The following SPATA31A1 variants were observed in gnomAD, a reference collection of about 807,000 sequenced individuals.
SPATA31A1 encodes SPATA31 subfamily A member 1.
For synonymous variants in SPATA31A1, 194 were observed against 573.4 expected, an observed-to-expected ratio of 0.34 and a Z score of 9.45; for missense variants, 579 against 1,476.3, an observed-to-expected ratio of 0.39 and a Z score of 9.96.
rs1381348722 is a variant in SPATA31A1 at position 39,355,699 on chromosome 9, C to T, written c.-32C>T. On this transcript the variant is annotated 5_prime_UTR_variant, in exon 1 of 4. Transcript: ENST00000377647. ...CTAGTCCCCACGGGGATGCCCAGAG[C>T]TCAGTTGCTTGAAAGCAACGCGCCT... 1 of 523,452 alleles carries T rather than the reference C, an allele frequency of 1.9e-6. No individual in the cohort carries two copies. The highest frequency in any genetic ancestry group is 3.6e-5 in the Admixed American group (1 of 27,622). 32.4% of individuals were successfully genotyped at this position (523,452 alleles called of 1,614,324 possible).
At position 39,361,286 on chromosome 9, in the gene SPATA31A1, T is replaced by G. The variant is rs1823460664; in HGVS notation, c.3521T>G (p.Ile1174Ser). ...GGNIKQFFQW[I>S]FSKKKSKPAP... Reference sequence around the variant, plus strand: ...AACATCAAGCAATTTTTTCAGTGGATTTTTTCAAAGAAAAAAAGCAAGCCA... The same window carrying G: ...AACATCAAGCAATTTTTTCAGTGGAGTTTTTCAAAGAAAAAAAGCAAGCCA... Residue 1174 changes from isoleucine to serine, a missense_variant, in exon 4 of 4, where the codon ATT becomes AGT. Transcript: ENST00000377647. 6.2e-7 allele frequency: 1 copy of G among 1,612,262 alleles called. No homozygotes were observed. Among genetic ancestry groups the G allele is most frequent in the African/African-American group, 1.3e-5 (1 of 74,554 alleles).
In SPATA31A1 at chr9:39,358,798, G is replaced by A; in HGVS notation, c.1033G>A (p.Glu345Lys). 4 of 1,598,644 alleles carry A rather than the reference G, an allele frequency of 2.5e-6. No individual in the cohort carries two copies. The highest frequency in any genetic ancestry group is 3.4e-6 in the Non-Finnish European group (4 of 1,179,752). The stretch of plus-strand genomic sequence containing the variant: ...CAAGGTCAACATTTGGGAAGAAAAA[G>A]AAAATGTTGGATCATTTACAGATCG... Reference protein sequence around the residue: ...TAKVNIWEEKENVGSFTDRMT... With the variant: ...TAKVNIWEEKKNVGSFTDRMT... Residue 345 changes from glutamate (E) to lysine (K), a missense_variant, in exon 4 of 4, where the codon GAA (glutamate) becomes AAA (lysine). By Grantham distance (56) the Glu-to-Lys change is moderately conservative (BLOSUM62 1). Coordinates refer to ENST00000377647, the MANE Select transcript of SPATA31A1 (RefSeq NM_001085452.4).
intron 1 of SPATA31A1, among the ~76,000 whole-genome samples, chr9:39,356,543 CATTTT>C (rs1311401622): frequency 0.17 from 11,357 of 68,152 alleles, 3,291 homozygotes; most frequent in Non-Finnish European, 0.21. Context: ...GTGTTATTTT[CATTTT>C]ATTTTATTTT....
At chr9:39,356,218 C>T (rs1160137649) in intron 1 of SPATA31A1, among the ~76,000 whole-genome samples, 32 of 46,490 alleles carry the variant, frequency 6.9e-4, no homozygotes, top group African/African-American at 2.8e-3. Context: ...GGTCTCTGTC[C>T]GAGACCAGGC....
chr9:39,356,594 ATTTTATT>A (rs1340262074), intron 1 of SPATA31A1, among the ~76,000 whole-genome samples: 2 of 26,042 alleles, frequency 7.7e-5, no homozygotes, highest in Non-Finnish European at 1.4e-4. Flanking sequence ...ATTTTATTTT[ATTTTATT>A]TTATTTTTTG....
chr9:39,357,528 G>A, intron 2 of SPATA31A1: 2 of 598,084 alleles, frequency 3.3e-6, no homozygotes, highest in South Asian at 4.0e-5. Flanking sequence ...CCACAGGGCA[G>A]TTGTGAGGAC....
rs2118422610 is a variant in SPATA31A1 at position 39,358,579 on chromosome 9, G to A, written c.814G>A (p.Gly272Ser). ...ASVPAISGLGGSNSHVSASSR... is the reference protein window; with the variant it reads ...ASVPAISGLGSSNSHVSASSR... ...TGTCCCAGCCATCTCAGGCCTTGGT[G>A]GCTCAAACAGTCATGTTTCTGCCTC... The change falls in exon 4 of 4, where the codon GGC becomes AGC. Residue 272 changes from glycine to serine, a missense_variant. Coordinates refer to ENST00000377647, the MANE Select transcript of SPATA31A1 (RefSeq NM_001085452.4). 2.5e-6 allele frequency: 4 copies of A among 1,592,470 alleles called. No individual in the cohort carries two copies. The East Asian group carries it at 9.0e-5, about 36-fold the overall frequency.
In SPATA31A1 at chr9:39,360,623, A is replaced by G; in HGVS notation, c.2858A>G (p.Glu953Gly). Residue 953 changes from glutamate to glycine, a missense_variant, in exon 4 of 4, where the codon GAG becomes GGG. Coordinates refer to ENST00000377647, the MANE Select transcript of SPATA31A1 (RefSeq NM_001085452.4). ...AQSSKAGETREAVPQCRVPLE... is the reference protein window; with the variant it reads ...AQSSKAGETRGAVPQCRVPLE... ...TCTTCAAAGGCTGGAGAGACAAGGG[A>G]GGCAGTGCCACAATGCAGAGTCCCC... 6.2e-7 allele frequency: 1 copy of G among 1,608,248 alleles called. No homozygotes were observed. Among genetic ancestry groups the G allele is most frequent in the Non-Finnish European group, 8.5e-7 (1 of 1,178,870 alleles).
Position 39,359,272 on chromosome 9 carries a change from C to G in SPATA31A1, c.1507C>G (p.Leu503Val). The change falls in exon 4 of 4, where the codon CTT becomes GTT. Residue 503 changes from leucine (L) to valine (V), a missense_variant. Physicochemically the swap from Leu to Val is conservative, Grantham distance 32. Coordinates refer to ENST00000377647, the MANE Select transcript of SPATA31A1 (RefSeq NM_001085452.4). The part of the protein sequence containing the change: ...PMAQAEAQAH[L>V]QSSFPVLSPA... The stretch of plus-strand genomic sequence containing the variant: ...GGCTCAGGCCGAGGCTCAGGCCCAT[C>G]TTCAATCTTCTTTCCCAGTCCTATC... The G allele has an allele frequency of 6.2e-7, 1 of 1,610,974 alleles. No individual in the cohort carries two copies. Among genetic ancestry groups the G allele is most frequent in the East Asian group, 2.2e-5 (1 of 44,784 alleles).
rs542397203 is a variant in SPATA31A1 at position 39,361,020 on chromosome 9, C to A, written c.3255C>A (p.His1085Gln). ...LMAARRSKLV[H>Q]EEPRNPNCQG... Reference sequence around the variant, plus strand: ...CAGCCAGAAGGAGCAAACTGGTGCACGAGGAGCCCAGAAACCCAAACTGTC... The same window carrying A: ...CAGCCAGAAGGAGCAAACTGGTGCAAGAGGAGCCCAGAAACCCAAACTGTC... Residue 1085 changes from histidine to glutamine, a missense_variant, in exon 4 of 4, where the codon CAC (histidine) becomes CAA (glutamine). Transcript: ENST00000377647. 1.9e-5 allele frequency: 30 copies of A among 1,610,974 alleles called. No homozygotes were observed. Among genetic ancestry groups the A allele is most frequent in the Middle Eastern group, 4.5e-4 (2 of 4,430 alleles).
In SPATA31A1 at chr9:39,361,783, C is replaced by G; in HGVS notation, c.4018C>G (p.His1340Asp). 6.2e-7 allele frequency: 1 copy of G among 1,611,874 alleles called. No individual in the cohort carries two copies. The highest frequency in any genetic ancestry group is 1.7e-5 in the Admixed American group (1 of 59,914). Reference protein sequence around the residue: ...ASSHHHHCPRHCLLWEGI With the variant: ...ASSHHHHCPRDCLLWEGI ...TAGCCACCATCACCACTGTCCAAGG[C>G]ACTGTCTTCTTTGGGAAGGTATCTG... is the stretch of plus-strand genomic sequence containing the variant. Residue 1340 changes from histidine to aspartate, a missense_variant, in exon 4 of 4, where the codon CAC becomes GAC. Coordinates refer to ENST00000377647, the MANE Select transcript of SPATA31A1 (RefSeq NM_001085452.4).
rs1157023188 is a variant in SPATA31A1, at chr9:39,361,312, G to A, written c.3547G>A (p.Ala1183Thr). 6.8e-6 allele frequency: 11 copies of A among 1,613,166 alleles called. No individual in the cohort carries two copies. The highest frequency in any genetic ancestry group is 1.7e-4 in the Middle Eastern group (1 of 5,788). ...TTTTTCAAAGAAAAAAAGCAAGCCA[G>A]CACCAGTCACTGCTGAGAGCCAAAA... ...WIFSKKKSKP[A>T]PVTAESQKTV... Residue 1183 changes from alanine to threonine, a missense_variant, in exon 4 of 4, where the codon GCA (alanine) becomes ACA (threonine). Coordinates refer to ENST00000377647, the MANE Select transcript of SPATA31A1 (RefSeq NM_001085452.4).
intron 2 of SPATA31A1, 29 bp from the exon 3 acceptor site, chr9:39,357,729 C>G (rs1823363529): frequency 2.9e-5 from 38 of 1,317,886 alleles, no homozygotes; most frequent in South Asian, 2.4e-5. Flanking sequence ...CCCTCCCTCA[C>G]TGCCCTAACC....
chr9:39,360,984 T>G lies in SPATA31A1; in HGVS notation c.3219T>G (p.His1073Gln), dbSNP rs1823451778. 1 of 1,609,906 alleles carries G rather than the reference T, an allele frequency of 6.2e-7. No individual in the cohort carries two copies. The highest frequency in any genetic ancestry group is 8.5e-7 in the Non-Finnish European group (1 of 1,179,574). The change falls in exon 4 of 4, where the codon CAT (histidine) becomes CAG (glutamine). Residue 1073 changes from histidine to glutamine, a missense_variant. By Grantham distance (24) the His-to-Gln change is conservative. Coordinates refer to ENST00000377647, the MANE Select transcript of SPATA31A1 (RefSeq NM_001085452.4). ...ACATGCGGGCTTCCCAGGAGCTACA[T>G]GACCTTATGGCAGCCAGAAGGAGCA... Reference protein sequence around the residue: ...AGNMRASQELHDLMAARRSKL... With the variant: ...AGNMRASQELQDLMAARRSKL...
In SPATA31A1 at chr9:39,358,127, AC is replaced by A. The variant is rs1823373445; in HGVS notation, c.368del (p.Pro123GlnfsTer30). ...GACTTTGGTCAGCTCTCCGGTCCAG[AC>A]CCCCCAGGTGAAGTGGGCGAAAGAG... ...KGDFGQLSGP[D>X]PPGEVGERAP... On this transcript the variant is annotated frameshift_variant, in exon 4 of 4. Coordinates refer to ENST00000377647, the MANE Select transcript of SPATA31A1 (RefSeq NM_001085452.4). LOFTEE classifies it low-confidence loss of function (END_TRUNC). 1 of 1,600,222 alleles carries A rather than the reference AC, an allele frequency of 6.2e-7. No homozygotes were observed. Among genetic ancestry groups the A allele is most frequent in the African/African-American group, 1.4e-5 (1 of 69,160 alleles).
In SPATA31A1 at chr9:39,358,739, A is replaced by G. The variant is rs1823390304; in HGVS notation, c.974A>G (p.Gln325Arg). The G allele has an allele frequency of 1.2e-5, 19 of 1,604,436 alleles. No homozygotes were observed. The highest frequency in any genetic ancestry group is 1.4e-5 in the Non-Finnish European group (17 of 1,179,802). ...CTGTTTTTGCTCAGCTCTGATGGCC[A>G]GAATGCCGTGGGGATACAAGTCACA... is the stretch of plus-strand genomic sequence containing the variant. ...GSLFLLSSDG[Q>R]NAVGIQVTET... is the part of the protein sequence containing the mutation. Residue 325 changes from glutamine to arginine, a missense_variant, in exon 4 of 4, where the codon CAG becomes CGG. By Grantham distance (43) the Gln-to-Arg change is conservative (BLOSUM62 1). Transcript: ENST00000377647.
At chr9:39,355,942 C>A in intron 1 of SPATA31A1, 23 bp downstream of exon 1, 2 of 187,710 alleles carry the variant, frequency 1.1e-5, no homozygotes, top group South Asian at 4.0e-5. Flanking sequence ...CAGTCCCAAC[C>A]CACAGAGCTT....
rs1587771424 is a variant in SPATA31A1, at chr9:39,355,714, G to A, written c.-17G>A. The A allele has an allele frequency of 1.2e-5, 6 of 508,300 alleles. 1 individual carries two copies. The East Asian group carries it at 2.1e-4, about 17-fold the overall frequency. The allele number at this position is 508,300 out of a possible 1,614,324, so 31.5% of individuals were successfully genotyped here. On this transcript the variant is annotated 5_prime_UTR_variant, in exon 1 of 4. Coordinates refer to ENST00000377647, the MANE Select transcript of SPATA31A1 (RefSeq NM_001085452.4). ...ATGCCCAGAGCTCAGTTGCTTGAAA[G>A]CAACGCGCCTATTCACATGGAGAAT...
rs1428012487 is a variant in SPATA31A1 at position 39,361,338 on chromosome 9, A to C, written c.3573A>C (p.Lys1191Asn). ...CACCAGTCACTGCTGAGAGCCAAAAAACAGTGAAAAACAGATCATGTGTGT... is the reference window on the plus strand; with the variant it reads ...CACCAGTCACTGCTGAGAGCCAAAACACAGTGAAAAACAGATCATGTGTGT... Reference protein sequence around the residue: ...KPAPVTAESQKTVKNRSCVYS... With the variant: ...KPAPVTAESQNTVKNRSCVYS... The change falls in exon 4 of 4, where the codon AAA (lysine) becomes AAC (asparagine). Residue 1191 changes from lysine to asparagine, a missense_variant. Physicochemically the swap from Lys to Asn is moderately conservative, Grantham distance 94 (BLOSUM62 0). Transcript: ENST00000377647. The C allele has an allele frequency of 1.2e-5, 19 of 1,613,538 alleles. No individual in the cohort carries two copies. In the South Asian group the frequency reaches 2.0e-4, roughly 17 times the overall value.
Sources: allele counts gnomAD v4.1 joint callset (sites outside exome capture counted in the v4.1 genomes callset), GRCh38; gene constraint gnomAD v4.1.1; transcripts MANE v1.5; gene names NCBI Gene and HGNC (gene_info 2026-07-23, HGNC 2026-07-21).